FAM81A: variants seen among roughly 807,000 people sequenced by gnomAD.
The protein encoded by FAM81A is family with sequence similarity 81 member A.
A neutral mutation model predicts 46.7 loss-of-function variants in FAM81A; 19 were observed. The ratio of observed to expected loss-of-function variants is 0.41; its 90% CI spans 0.28 to 0.60. The LOEUF (loss-of-function observed/expected upper bound fraction) is 0.60. Ranked by LOEUF, FAM81A falls within the 20% of genes least tolerant of loss-of-function variation. The pLI is 0.34. For missense variants in FAM81A, 377 were observed against 453.5 expected (o/e 0.83, Z 1.53); for synonymous variants, 183 against 152.9 (o/e 1.20, Z -1.45).
At position 59,514,333 on chromosome 15, in the gene FAM81A, C is replaced by T. The variant is rs2082244928; in HGVS notation, c.695C>T (p.Ala232Val). The change falls in exon 7 of 9, where the codon GCA (alanine) becomes GTA (valine). Residue 232 changes from alanine to valine, a missense_variant. Physicochemically the swap from Ala to Val is moderately conservative, Grantham distance 64 (BLOSUM62 0). Coordinates refer to ENST00000288228, the MANE Select transcript of FAM81A (RefSeq NM_152450.3). The part of the protein sequence containing the change: ...VEELSNQILS[A>V]RSWLQQEQER... ...GAACTCAGTAACCAGATATTATCTG[C>T]ACGGAGTTGGTTGCAACAGGAACAA... 2.5e-6 allele frequency: 4 copies of T among 1,613,372 alleles called. No individual in the cohort carries two copies. The highest frequency in any genetic ancestry group is 3.3e-4 in the Middle Eastern group (2 of 6,056).
chr15:59,462,605 T>C (rs2081566020), intron 3 of FAM81A, among the ~76,000 whole-genome samples: 1 of 152,196 alleles, frequency 6.6e-6, no homozygotes. Context: ...TTACTGTCTA[T>C]TTCCAAAAGA....
intron 4 of FAM81A, among the ~76,000 whole-genome samples, chr15:59,498,539 A>G (rs1567070907): frequency 6.6e-6 from 1 of 152,360 alleles, no homozygotes; most frequent in East Asian, 1.9e-4. Flanking sequence ...TGCCCTGACT[A>G]GAACCTCGAG....
chr15:59,464,607 G>C (rs778683475), intron 3 of FAM81A, among the ~76,000 whole-genome samples: 13 of 152,014 alleles, frequency 8.6e-5, no homozygotes, highest in Non-Finnish European at 1.6e-4. Context: ...TTTGCCATTT[G>C]TATGTCTGCT....
chr15:59,483,396 G>A (rs1357142777), intron 3 of FAM81A, among the ~76,000 whole-genome samples: 1 of 151,936 alleles, frequency 6.6e-6, no homozygotes, highest in Non-Finnish European at 1.5e-5. Context: ...GGGAAACACA[G>A]AATATTTACA....
In FAM81A at chr15:59,447,630, A is replaced by G. The variant is rs149515969; in HGVS notation, c.-78+9348A>G. On this transcript the variant is annotated intron_variant, in intron 1 of 8. Coordinates refer to ENST00000288228, the MANE Select transcript of FAM81A (RefSeq NM_152450.3). ...GTCTTTCCTTTGGCCTTGTCAATCTAGATACATTGGCTTGGGAAATTAGGC... is the reference window on the plus strand; with the variant it reads ...GTCTTTCCTTTGGCCTTGTCAATCTGGATACATTGGCTTGGGAAATTAGGC... Among the ~76,000 whole-genome samples, 18 of 152,326 alleles carry G rather than the reference A, an allele frequency of 1.2e-4. No homozygotes were observed. In the East Asian group the frequency reaches 3.5e-3, roughly 29 times the overall value.
At chr15:59,521,193 G>T in intron 8 of FAM81A, 61 bp from the exon 9 acceptor site, 1 of 1,562,726 alleles carries the variant, frequency 6.4e-7, no homozygotes, top group South Asian at 1.2e-5. Context: ...AGATACTATA[G>T]AATTTGATAC....
chr15:59,479,519 GAAAAAAAA>G (rs57107735), intron 3 of FAM81A, among the ~76,000 whole-genome samples: 1 of 72,676 alleles, frequency 1.4e-5, no homozygotes, highest in Non-Finnish European at 2.4e-5. Context: ...TCAAAAATAA[GAAAAAAAA>G]AAAAAAAAAA....
Position 59,460,053 on chromosome 15 carries a change from C to T in FAM81A, c.141C>T (p.Leu47=), listed in dbSNP as rs115716954. The change falls in exon 3 of 9, where the codon CTC becomes CTT. Residue 47 remains leucine (L), a synonymous_variant. Transcript: ENST00000288228. The surrounding 1 kb of genome is among the most constrained non-coding windows in gnomAD (Gnocchi z 4.4). ...GCCATGAGAAAACCACCGCCGCCCTCGTAGAGCACGCCTTTCGGATTAAAG... is the reference window on the plus strand; with the variant it reads ...GCCATGAGAAAACCACCGCCGCCCTTGTAGAGCACGCCTTTCGGATTAAAG... ...ILCHEKTTAA[L]VEHAFRIKDD... 687 of 1,613,918 alleles carry T rather than the reference C, an allele frequency of 4.3e-4. 2 individuals carry two copies. The African/African-American group carries it at 7.5e-3, about 18-fold the overall frequency.
At position 59,507,098 on chromosome 15, in the gene FAM81A, A is replaced by G. The variant is rs138077086; in HGVS notation, c.414-115A>G. ...TTCATTTGAACCTCTGTTCAAAAGA[A>G]TGATGGATAGTGCACTTTCTTTGAG... On this transcript the variant is annotated intron_variant, in intron 4 of 8. Transcript: ENST00000288228. The G allele has an allele frequency of 2.1e-4, 279 of 1,328,980 alleles. No individual in the cohort carries two copies. In the African/African-American group the frequency reaches 3.4e-3, roughly 16 times the overall value. The allele number at this position is 1,328,980 out of a possible 1,614,324, so 82.3% of individuals were successfully genotyped here. A position where few individuals can be genotyped will look rare whatever the true frequency, so the allele number is the denominator to read the frequency against.
intron 3 of FAM81A, among the ~76,000 whole-genome samples, chr15:59,485,367 C>G (rs1182133542): frequency 6.6e-6 from 1 of 152,174 alleles, no homozygotes; most frequent in East Asian, 1.9e-4. Context: ...GTGGTGGGTA[C>G]AGAGGTGCTT....
intron 3 of FAM81A, among the ~76,000 whole-genome samples, chr15:59,472,635 C>A (rs2081709905): frequency 6.6e-6 from 1 of 151,332 alleles, no homozygotes; most frequent in South Asian, 2.1e-4. Context: ...ACTGTAGCCT[C>A]TAACTCCTGG....
chr15:59,419,447 T>C (rs1294798191), intron 2 of FAM81A, among the ~76,000 whole-genome samples: 1 of 152,198 alleles, frequency 6.6e-6, no homozygotes, highest in African/African-American at 2.4e-5. Context: ...TTAAGTTTCC[T>C]CTCCTCTTTT....
chr15:59,503,333 C>A (rs976893354), intron 4 of FAM81A, among the ~76,000 whole-genome samples: 1 of 148,394 alleles, frequency 6.7e-6, no homozygotes, highest in African/African-American at 2.5e-5. Flanking sequence ...TCCTTTCAGA[C>A]TTTTCTCATA....
At chr15:59,408,836 AC>A (rs2081107961) in intron 2 of FAM81A, 2 of 152,352 alleles carry the variant, frequency 1.3e-5, no homozygotes, top group African/African-American at 4.8e-5. Flanking sequence ...TCTTAAAAAA[AC>A]AAATAAAAAT....
At chr15:59,403,212 A>G (rs1257624222) in intron 2 of FAM81A, among the ~76,000 whole-genome samples, 1 of 151,766 alleles carries the variant, frequency 6.6e-6, no homozygotes, top group Non-Finnish European at 1.5e-5. Context: ...GAAGTGGGCT[A>G]CCCCCCCATC....
chr15:59,522,428 G>A lies in FAM81A; in HGVS notation c.*1050G>A, dbSNP rs1304770273. On this transcript the variant is annotated 3_prime_UTR_variant, in exon 9 of 9. Transcript: ENST00000288228. ...TTCTAAAAATTTTATCGCTGTTAAGGTATTAATCATTCAGTATTACTAATG... is the reference window on the plus strand; with the variant it reads ...TTCTAAAAATTTTATCGCTGTTAAGATATTAATCATTCAGTATTACTAATG... The A allele has an allele frequency of 1.3e-5, 2 of 152,536 alleles. No individual in the cohort carries two copies. The highest frequency in any genetic ancestry group is 4.8e-5 in the African/African-American group (2 of 41,426). 9.4% of individuals were successfully genotyped at this position (152,536 alleles called of 1,614,324 possible). A position where few individuals can be genotyped will look rare whatever the true frequency, so the allele number is the denominator to read the frequency against.
intron 3 of FAM81A, among the ~76,000 whole-genome samples, chr15:59,463,721 T>C (rs573243826): frequency 7.2e-6 from 1 of 139,162 alleles, no homozygotes; most frequent in Non-Finnish European, 1.5e-5. Context: ...AAAGAAATAA[T>C]GTATAGATCC....
At chr15:59,447,964 A>AT (rs2081370242) in intron 1 of FAM81A, among the ~76,000 whole-genome samples, 1 of 152,194 alleles carries the variant, frequency 6.6e-6, no homozygotes, top group East Asian at 1.9e-4. Context: ...TGCCTCATCC[A>AT]TCTTTGCTGG....
chr15:59,422,277 T>G (rs1175965426), intron 2 of FAM81A, among the ~76,000 whole-genome samples: 8 of 151,932 alleles, frequency 5.3e-5, no homozygotes, highest in African/African-American at 1.7e-4. Flanking sequence ...AGTACCAGCT[T>G]GTAGTATCCC....
Sources: gnomAD v4.1 joint callset for allele counts (sites outside exome capture counted in the v4.1 genomes callset) on GRCh38, gnomAD v4.1.1 for gene constraint, Gnocchi (gnomAD v3.1) non-coding constraint, MANE v1.5 for transcripts, NCBI Gene and HGNC (gene_info 2026-07-23, HGNC 2026-07-21) for gene names.